Variants in HERC3 observed in about 807,000 individuals in gnomAD.
HERC3 encodes the protein probable E3 ubiquitin-protein ligase HERC3.
HERC3 carries 58 observed loss-of-function variants against 129.9 expected under a neutral mutation model. That is an observed-to-expected ratio of 0.45 (90% CI 0.36 to 0.56). HERC3 has a LOEUF of 0.56. Ranked by LOEUF, HERC3 falls within the 20% of genes least tolerant of loss-of-function variation. The pLI, the probability that HERC3 is intolerant of heterozygous loss-of-function variation, is 0.00. For synonymous variants in HERC3, 430 were observed against 451.0 expected (o/e 0.95, Z 0.59); for missense variants, 835 against 1,244.2 (o/e 0.67, Z 4.95).
chr4:88,706,665 C>A, intron 25 of HERC3, 87 bp from the exon 26 acceptor site: 1 of 1,015,886 alleles, frequency 9.8e-7, no homozygotes, highest in Non-Finnish European at 1.5e-6. Context: ...CACAGGGTGT[C>A]ATGCCTTCCT....
the HERC3 span, chr4:88,525,016 C>G: frequency 2.1e-5 from 3 of 139,770 alleles, no homozygotes; most frequent in African/African-American, 8.6e-5. Flanking sequence ...TTTGGGCCAT[C>G]CTGTTTTTTT....
At position 88,653,061 on chromosome 4, in the gene HERC3, C is replaced by G. The variant is rs1474690144; in HGVS notation, c.656C>G (p.Ala219Gly). ...GTTTTTGGCTGGGGGATGAATAATG[C>G]CGGGCAGCTAGGGCTCAGTGATGAA... ...GAVFGWGMNN[A>G]GQLGLSDEKD... Residue 219 changes from alanine (A) to glycine (G), a missense_variant, in exon 6 of 26, where the codon GCC (alanine) becomes GGC (glycine). Transcript: ENST00000402738. 1 of 1,614,158 alleles carries G rather than the reference C, an allele frequency of 6.2e-7. No individual in the cohort carries two copies. Among genetic ancestry groups the G allele is most frequent in the East Asian group, 2.2e-5 (1 of 44,878 alleles).
the HERC3 span, among the ~76,000 whole-genome samples, chr4:88,568,259 C>T: frequency 1.3e-5 from 2 of 152,206 alleles, no homozygotes; most frequent in African/African-American, 4.8e-5. Context: ...TCTCCCTAGG[C>T]CTGTGACAAT....
chr4:88,692,910 T>C (rs1214928658), intron 23 of HERC3: 10 of 985,200 alleles, frequency 1.0e-5, no homozygotes, highest in Non-Finnish European at 1.1e-5. Context: ...GGAAGAAAAA[T>C]GACTTTGAAG....
chr4:88,610,375 C>T (rs1225863620), intron 3 of HERC3, among the ~76,000 whole-genome samples: 1 of 151,708 alleles, frequency 6.6e-6, no homozygotes, highest in Non-Finnish European at 1.5e-5. Context: ...ATTGCTTGAA[C>T]CCGGGAGGCA....
At chr4:88,584,203 T>C in the HERC3 span, among the ~76,000 whole-genome samples, 1 of 152,194 alleles carries the variant, frequency 6.6e-6, no homozygotes, top group Non-Finnish European at 1.5e-5. Flanking sequence ...TGGCTTGGTG[T>C]TCTTTGGCTT....
At chr4:88,697,642 TCA>T (rs1481668103) in intron 23 of HERC3, 3 of 1,613,568 alleles carry the variant, frequency 1.9e-6, no homozygotes, top group Non-Finnish European at 2.5e-6. Flanking sequence ...AGCCGCGCTG[TCA>T]CAGTCTCCAC....
At chr4:88,665,696 T>C (rs937890764) in intron 12 of HERC3, among the ~76,000 whole-genome samples, 1 of 152,030 alleles carries the variant, frequency 6.6e-6, no homozygotes, top group African/African-American at 2.4e-5. Flanking sequence ...CACCACCCCC[T>C]CCCCACAAAT....
At chr4:88,611,572 A>T (rs1249286735) in intron 3 of HERC3, among the ~76,000 whole-genome samples, 2 of 152,202 alleles carry the variant, frequency 1.3e-5, no homozygotes, top group Non-Finnish European at 2.9e-5. Context: ...TGAAATATGA[A>T]GGATTTTAAA....
At chr4:88,668,293 A>G (rs1277754118) in intron 14 of HERC3, among the ~76,000 whole-genome samples, 2 of 152,178 alleles carry the variant, frequency 1.3e-5, no homozygotes, top group Non-Finnish European at 2.9e-5. Flanking sequence ...GAAATGACTC[A>G]TGCCAGAATA....
At chr4:88,548,392 AGT>A in the HERC3 span, among the ~76,000 whole-genome samples, 1 of 152,090 alleles carries the variant, frequency 6.6e-6, no homozygotes, top group Non-Finnish European at 1.5e-5. Flanking sequence ...ATAGTCACTC[AGT>A]GTGTGTGATA....
the HERC3 span, among the ~76,000 whole-genome samples, chr4:88,533,143 G>C: frequency 2.0e-5 from 3 of 152,216 alleles, no homozygotes; most frequent in Admixed American, 1.3e-4. Context: ...TCCAAAAGCT[G>C]AAGAATTTGG....
chr4:88,590,929 A>T (rs2149159491), upstream of HERC3, among the ~76,000 whole-genome samples: 1 of 141,882 alleles, frequency 7.0e-6, no homozygotes, highest in Non-Finnish European at 1.5e-5. Context: ...TCTGTTGCCC[A>T]GGCTGGAGTA....
intron 23 of HERC3, chr4:88,696,661 T>G (rs958554798): frequency 2.0e-5 from 3 of 152,828 alleles, no homozygotes; most frequent in Non-Finnish European, 4.4e-5. Flanking sequence ...TGATCTCCAT[T>G]GCAATCTTCC....
At chr4:88,578,404 A>T in the HERC3 span, among the ~76,000 whole-genome samples, 6 of 152,092 alleles carry the variant, frequency 3.9e-5, no homozygotes, top group Non-Finnish European at 8.8e-5. Context: ...CAACATGGTG[A>T]AACCCCATCT....
At chr4:88,628,041 T>G (rs1726323113) in intron 3 of HERC3, among the ~76,000 whole-genome samples, 1 of 152,128 alleles carries the variant, frequency 6.6e-6, no homozygotes, top group Non-Finnish European at 1.5e-5. Context: ...GTGGAGTGTA[T>G]TTATAAATGT....
At chr4:88,581,355 C>T in the HERC3 span, among the ~76,000 whole-genome samples, 4 of 151,532 alleles carry the variant, frequency 2.6e-5, no homozygotes. Flanking sequence ...GGCTGGAGTG[C>T]AATGGCATGA....
intron 16 of HERC3, among the ~76,000 whole-genome samples, chr4:88,675,695 CTAGTCTAAG>C (rs528337558): frequency 4.5e-4 from 68 of 151,570 alleles, no homozygotes; most frequent in African/African-American, 1.5e-3. Flanking sequence ...AAGCCAAGTA[CTAGTCTAAG>C]TGCTGAGTCA....
chr4:88,545,244 A>G, the HERC3 span, among the ~76,000 whole-genome samples: 1 of 152,130 alleles, frequency 6.6e-6, no homozygotes, highest in Non-Finnish European at 1.5e-5. Context: ...CCATAAATAT[A>G]TGCACCTACT....
Sources: allele counts gnomAD v4.1 joint callset (sites outside exome capture counted in the v4.1 genomes callset), GRCh38; gene constraint gnomAD v4.1.1; transcripts MANE v1.5; gene names NCBI Gene and HGNC (gene_info 2026-07-23, HGNC 2026-07-21).